PDK1: variants seen among roughly 807,000 people sequenced by gnomAD.
The protein encoded by PDK1 is pyruvate dehydrogenase kinase 1, also known as [Pyruvate dehydrogenase (acetyl-transferring)] kinase isozyme 1, mitochondrial.
PDK1 carries 39 observed loss-of-function variants against 54.2 expected under a neutral mutation model. That is an observed-to-expected ratio of 0.72 (90% CI 0.56 to 0.94). PDK1 has a LOEUF of 0.94. Among genes scored for constraint, PDK1 ranks in the 40% least tolerant of loss-of-function variants. PDK1 has a pLI of 0.00. For synonymous variants in PDK1, 221 were observed against 207.1 expected (o/e 1.07, Z -0.58); for missense variants, 552 against 566.0 (o/e 0.98, Z 0.25).
intron 8 of PDK1, among the ~76,000 whole-genome samples, chr2:172,582,668 T>A (rs75954301): frequency 0.022 from 3,402 of 152,276 alleles, 119 homozygotes; most frequent in African/African-American, 0.078. Flanking sequence ...AGACTAAATA[T>A]CTGTCTCTCC....
At chr2:172,712,353 G>A in the PDK1 span, among the ~76,000 whole-genome samples, 1 of 152,210 alleles carries the variant, frequency 6.6e-6, no homozygotes, top group Non-Finnish European at 1.5e-5. Flanking sequence ...ACCTTTGCCC[G>A]AGTTTTGCTT....
chr2:172,606,637 G>A lies in PDK1; in HGVS notation c.*10668G>A, dbSNP rs1029197437. ...AGTTCCTGATACAGAAGTGGCATCA[G>A]TGCTGGTGTTAATGGCTGCAGTAAA... On this transcript the variant is annotated 3_prime_UTR_variant, in exon 11 of 11. Transcript: ENST00000282077. 5.3e-5 allele frequency: 8 copies of A among 151,798 alleles called. No homozygotes were observed. The highest frequency in any genetic ancestry group is 1.9e-4 in the African/African-American group (8 of 41,252). The allele number at this position is 151,798 out of a possible 1,614,324, so 9.4% of individuals were successfully genotyped here.
the PDK1 span, among the ~76,000 whole-genome samples, chr2:172,653,564 C>G: frequency 1.1e-4 from 17 of 151,574 alleles, no homozygotes; most frequent in Admixed American, 7.9e-4. Flanking sequence ...GATCGTGCCA[C>G]TGCACTCCTG....
At chr2:172,705,484 A>C in the PDK1 span, among the ~76,000 whole-genome samples, 2 of 152,328 alleles carry the variant, frequency 1.3e-5, no homozygotes, top group South Asian at 2.1e-4. Context: ...CTGTCACCTA[A>C]GTACAGGTCC....
At chr2:172,700,222 C>T in the PDK1 span, among the ~76,000 whole-genome samples, 11 of 152,110 alleles carry the variant, frequency 7.2e-5, no homozygotes, top group Admixed American at 1.3e-4. Flanking sequence ...CCTTTCTATT[C>T]GACAAAACCG....
chr2:172,683,527 G>C, the PDK1 span, among the ~76,000 whole-genome samples: 1 of 152,174 alleles, frequency 6.6e-6, no homozygotes, highest in Non-Finnish European at 1.5e-5. Flanking sequence ...AGGTGCAAGA[G>C]TGGGGTGTGT....
chr2:172,576,206 A>G (rs1689576155), intron 8 of PDK1, among the ~76,000 whole-genome samples: 1 of 152,154 alleles, frequency 6.6e-6, no homozygotes, highest in Non-Finnish European at 1.5e-5. Flanking sequence ...GATTACAGGC[A>G]TGAGCCACCA....
chr2:172,618,713 A>C, the PDK1 span, among the ~76,000 whole-genome samples: 1 of 152,190 alleles, frequency 6.6e-6, no homozygotes, highest in African/African-American at 2.4e-5. Flanking sequence ...TTTGTTTGGG[A>C]GAGTTCTTAG....
At chr2:172,716,982 G>A in the PDK1 span, among the ~76,000 whole-genome samples, 2 of 152,134 alleles carry the variant, frequency 1.3e-5, no homozygotes, top group Non-Finnish European at 1.5e-5. Flanking sequence ...TGGAGTACTC[G>A]TATTTATTTA....
the PDK1 span, among the ~76,000 whole-genome samples, chr2:172,699,167 A>G: frequency 6.6e-6 from 1 of 152,252 alleles, no homozygotes; most frequent in Non-Finnish European, 1.5e-5. Flanking sequence ...TCTAGTTGCT[A>G]CAACTGGGTG....
chr2:172,657,849 G>A, the PDK1 span, among the ~76,000 whole-genome samples: 1 of 152,188 alleles, frequency 6.6e-6, no homozygotes, highest in African/African-American at 2.4e-5. Flanking sequence ...AATTTATAAG[G>A]AAAGAGGTTT....
the PDK1 span, among the ~76,000 whole-genome samples, chr2:172,695,136 A>T: frequency 2.0e-5 from 3 of 152,132 alleles, no homozygotes; most frequent in Non-Finnish European, 4.4e-5. Flanking sequence ...AAACAAAAAA[A>T]GTTTAGCGAT....
At chr2:172,721,780 G>A in the PDK1 span, among the ~76,000 whole-genome samples, 1 of 152,180 alleles carries the variant, frequency 6.6e-6, no homozygotes, top group African/African-American at 2.4e-5. Flanking sequence ...AAAAGGCCAG[G>A]CAATATTGTG....
At chr2:172,675,176 C>T in the PDK1 span, among the ~76,000 whole-genome samples, 2 of 152,174 alleles carry the variant, frequency 1.3e-5, no homozygotes, top group Non-Finnish European at 2.9e-5. Context: ...TCTCTCTCCT[C>T]GGCCTCCCCA....
At chr2:172,639,829 A>C in the PDK1 span, among the ~76,000 whole-genome samples, 10 of 152,172 alleles carry the variant, frequency 6.6e-5, no homozygotes, top group Non-Finnish European at 1.3e-4. Context: ...AATCAGCAAA[A>C]TGGGTGAGGG....
the PDK1 span, among the ~76,000 whole-genome samples, chr2:172,622,129 C>CATATATCATGTGAGATATGTTTATATCAT: frequency 1.9e-5 from 2 of 104,142 alleles, no homozygotes; most frequent in African/African-American, 7.3e-5. Flanking sequence ...GTTTATATCT[C>CATATATCATGTGAGATATGTTTATATCAT]ATATTATGTG....
chr2:172,572,732 GA>G (rs1689350815), intron 8 of PDK1, among the ~76,000 whole-genome samples: 1 of 151,862 alleles, frequency 6.6e-6, no homozygotes, highest in African/African-American at 2.4e-5. Flanking sequence ...CTGAAAAAAA[GA>G]AAAAAAGGAA....
chr2:172,570,925 A>T, intron 8 of PDK1, 101 bp downstream of exon 8: 5 of 653,094 alleles, frequency 7.7e-6, no homozygotes, highest in Admixed American at 2.9e-5. Context: ...GACATAATCT[A>T]CTCTCAGGGG....
At chr2:172,690,851 G>C in the PDK1 span, among the ~76,000 whole-genome samples, 7 of 148,716 alleles carry the variant, frequency 4.7e-5, no homozygotes, top group South Asian at 2.2e-4. Context: ...GGGCCTGTTG[G>C]GGGGGTGGGG....
Sources: allele counts gnomAD v4.1 joint callset (sites outside exome capture counted in the v4.1 genomes callset), GRCh38; gene constraint gnomAD v4.1.1; transcripts MANE v1.5; gene names NCBI Gene and HGNC (gene_info 2026-07-23, HGNC 2026-07-21).